Variants in CTNNA3 observed in about 807,000 individuals in gnomAD.
CTNNA3 encodes catenin alpha 3.
CTNNA3 carries 76 observed loss-of-function variants against 95.7 expected under a neutral mutation model. That is an observed-to-expected ratio of 0.79 (90% CI 0.66 to 0.96). The LOEUF (loss-of-function observed/expected upper bound fraction) is 0.96. Ranked by LOEUF, CTNNA3 falls within the 40% of genes least tolerant of loss-of-function variation. The pLI is 0.00. For missense variants in CTNNA3, 1,191 were observed against 1,089.8 expected (o/e 1.09, Z -1.31); for synonymous variants, 431 against 374.4 (o/e 1.15, Z -1.74).
intron 11 of CTNNA3, among the ~76,000 whole-genome samples, chr10:66,387,510 G>C (rs995258258): frequency 2.6e-5 from 4 of 152,084 alleles, no homozygotes. Context: ...GTGTAAATTG[G>C]TTCAACCATT....
At chr10:67,752,672 T>C (rs1055239498) in intron 1 of CTNNA3, among the ~76,000 whole-genome samples, 8 of 152,180 alleles carry the variant, frequency 5.3e-5, no homozygotes, top group Non-Finnish European at 1.2e-4. Flanking sequence ...AGCATTCCTA[T>C]ACACCAACAA....
At chr10:66,189,250 GC>G (rs2086517403) in intron 13 of CTNNA3, among the ~76,000 whole-genome samples, 1 of 143,318 alleles carries the variant, frequency 7.0e-6, no homozygotes, top group African/African-American at 2.6e-5. Flanking sequence ...TGCTTCTCTT[GC>G]CTACACTTTT....
At chr10:66,877,326 A>G (rs1405067772) in intron 7 of CTNNA3, among the ~76,000 whole-genome samples, 1 of 152,172 alleles carries the variant, frequency 6.6e-6, no homozygotes, top group African/African-American at 2.4e-5. Context: ...AGGGTTTAAT[A>G]GGGAAGACCT....
intron 2 of CTNNA3, among the ~76,000 whole-genome samples, chr10:67,647,000 T>A (rs1429975784): frequency 6.6e-6 from 1 of 151,946 alleles, no homozygotes; most frequent in African/African-American, 2.4e-5. Context: ...GCAAATGAGA[T>A]GCCATGTGCC....
chr10:67,296,893 C>T (rs1041766949), intron 5 of CTNNA3, among the ~76,000 whole-genome samples: 4 of 131,248 alleles, frequency 3.0e-5, no homozygotes, highest in African/African-American at 1.2e-4. Context: ...AAGACTGCAC[C>T]ATTGCACTCC....
chr10:66,519,919 C>T (rs1840997355), intron 11 of CTNNA3, among the ~76,000 whole-genome samples: 1 of 152,026 alleles, frequency 6.6e-6, no homozygotes, highest in Non-Finnish European at 1.5e-5. Context: ...ATGATGTTTT[C>T]TCACTAATAT....
intron 1 of CTNNA3, among the ~76,000 whole-genome samples, chr10:67,715,854 C>G (rs962427512): frequency 6.6e-6 from 1 of 152,148 alleles, no homozygotes; most frequent in Admixed American, 6.5e-5. Flanking sequence ...AGTATCTACA[C>G]AGGTGAAAAA....
chr10:67,751,235 T>C, intron 1 of CTNNA3: 7 of 1,260,200 alleles, frequency 5.6e-6, no homozygotes, highest in Admixed American at 3.4e-5. Context: ...AATATTGAGG[T>C]TGAATCTCCT....
intron 13 of CTNNA3, among the ~76,000 whole-genome samples, chr10:66,180,645 C>T (rs1281280722): frequency 6.6e-6 from 1 of 152,154 alleles, no homozygotes; most frequent in Non-Finnish European, 1.5e-5. Flanking sequence ...CTTTGCCATA[C>T]GCCCTGGGAA....
chr10:66,349,299 A>G (rs2092549405), intron 12 of CTNNA3, among the ~76,000 whole-genome samples: 1 of 152,016 alleles, frequency 6.6e-6, no homozygotes. Context: ...ATGAGCTTGA[A>G]AAAGCCTCAA....
intron 12 of CTNNA3, among the ~76,000 whole-genome samples, chr10:66,317,136 CAAT>C (rs1001205187): frequency 6.6e-6 from 1 of 151,834 alleles, no homozygotes; most frequent in Non-Finnish European, 1.5e-5. Flanking sequence ...ATCAGTTAGA[CAAT>C]AAGATAAAAT....
intron 1 of CTNNA3, among the ~76,000 whole-genome samples, chr10:67,703,802 AG>A (rs1841060088): frequency 6.6e-6 from 1 of 152,210 alleles, no homozygotes; most frequent in Non-Finnish European, 1.5e-5. Context: ...AAGGAAATAA[AG>A]GGTGTTCAAT....
At chr10:67,320,782 A>G (rs1841284457) in intron 5 of CTNNA3, among the ~76,000 whole-genome samples, 1 of 152,224 alleles carries the variant, frequency 6.6e-6, no homozygotes, top group African/African-American at 2.4e-5. Context: ...TTTCTATAGT[A>G]AGTCTGGGCA....
At chr10:67,126,927 T>C (rs1475036706) in intron 7 of CTNNA3, among the ~76,000 whole-genome samples, 1 of 152,126 alleles carries the variant, frequency 6.6e-6, no homozygotes, top group African/African-American at 2.4e-5. Context: ...TTTTCAGATT[T>C]TGTTTTTGTT....
intron 7 of CTNNA3, among the ~76,000 whole-genome samples, chr10:66,948,317 C>T (rs1174763420): frequency 1.3e-5 from 2 of 152,170 alleles, no homozygotes; most frequent in African/African-American, 2.4e-5. Flanking sequence ...TTTCTGAATG[C>T]ATTGACCAAA....
rs199880736 is a variant in CTNNA3 at position 66,054,956 on chromosome 10, C to A, written c.2159+14352G>T. 1.5e-4 allele frequency among the ~76,000 whole-genome samples: 23 copies of A among 152,234 alleles called. No homozygotes were observed. In the East Asian group the frequency reaches 4.1e-3, roughly 27 times the overall value. ...TCTGCAAATGGATATCCAGCTTTCC[C>A]AGCACCATTTATTGAAGATACTCTC... On this transcript the variant is annotated intron_variant, in intron 15 of 17. Coordinates refer to ENST00000433211, the MANE Select transcript of CTNNA3 (RefSeq NM_013266.4).
At chr10:67,262,070 A>G (rs1866635908) in intron 5 of CTNNA3, among the ~76,000 whole-genome samples, 1 of 152,164 alleles carries the variant, frequency 6.6e-6, no homozygotes, top group Non-Finnish European at 1.5e-5. Flanking sequence ...TTAAATATAA[A>G]TTGCTCAATC....
chr10:66,345,500 G>A (rs1350290139), intron 12 of CTNNA3, among the ~76,000 whole-genome samples: 1 of 151,978 alleles, frequency 6.6e-6, no homozygotes, highest in Non-Finnish European at 1.5e-5. Flanking sequence ...ATAGATGGCA[G>A]TTTGAAACAA....
At chr10:66,681,932 T>A (rs1388312568) in intron 9 of CTNNA3, among the ~76,000 whole-genome samples, 1 of 152,100 alleles carries the variant, frequency 6.6e-6, no homozygotes, top group Non-Finnish European at 1.5e-5. Context: ...AGGATTGTGT[T>A]TTGATCACAG....
Sources: allele counts gnomAD v4.1 joint callset (sites outside exome capture counted in the v4.1 genomes callset), GRCh38; gene constraint gnomAD v4.1.1; transcripts MANE v1.5; gene names NCBI Gene and HGNC (gene_info 2026-07-23, HGNC 2026-07-21).